Variants in CHRDL2 observed in about 807,000 individuals in gnomAD.
The protein encoded by CHRDL2 is chordin-like protein 2.
Under a neutral mutation model 54.3 loss-of-function variants are expected in CHRDL2, and 41 were observed. The ratio of observed to expected loss-of-function variants is 0.76; its 90% CI spans 0.59 to 0.98. The LOEUF is 0.98. Ranked by LOEUF, CHRDL2 falls within the 50% of genes least tolerant of loss-of-function variation. The pLI, the probability that CHRDL2 is intolerant of heterozygous loss-of-function variation, is 0.00. For synonymous variants in CHRDL2, 220 were observed against 224.3 expected (o/e 0.98, Z 0.17); for missense variants, 518 against 562.4 (o/e 0.92, Z 0.80).
chr11:74,708,786 G>A (rs1173433056), intron 4 of CHRDL2, among the ~76,000 whole-genome samples: 8 of 152,216 alleles, frequency 5.3e-5, no homozygotes, highest in African/African-American at 1.9e-4. Flanking sequence ...CATCATGGGA[G>A]GGGGACAGGT....
intron 3 of CHRDL2, among the ~76,000 whole-genome samples, chr11:74,712,396 C>CA (rs1408230806): frequency 6.6e-6 from 1 of 152,052 alleles, no homozygotes; most frequent in Non-Finnish European, 1.5e-5. Context: ...AGTGTTTTAG[C>CA]AACAAGAGGC....
chr11:74,710,408 G>A (rs2135254730), intron 4 of CHRDL2, among the ~76,000 whole-genome samples: 1 of 152,196 alleles, frequency 6.6e-6, no homozygotes, highest in Admixed American at 6.5e-5. Context: ...TCTAACAATA[G>A]GCAGGAGGAG....
chr11:74,705,186 C>G (rs2033969655), intron 6 of CHRDL2, among the ~76,000 whole-genome samples: 1 of 152,170 alleles, frequency 6.6e-6, no homozygotes, highest in South Asian at 2.1e-4. Flanking sequence ...AGCTTAGGCT[C>G]TCTTTCCTGA....
intron 6 of CHRDL2, among the ~76,000 whole-genome samples, chr11:74,704,897 T>C (rs1379730108): frequency 6.6e-6 from 1 of 152,170 alleles, no homozygotes; most frequent in Non-Finnish European, 1.5e-5. Context: ...ACGAAGCCCT[T>C]CTTGGGCCTT....
intron 1 of CHRDL2, among the ~76,000 whole-genome samples, chr11:74,727,858 G>A (rs2034595167): frequency 6.6e-6 from 1 of 152,064 alleles, no homozygotes; most frequent in Non-Finnish European, 1.5e-5. Flanking sequence ...CACTGAAGAG[G>A]GAGGTAAGAA....
Position 74,730,899 on chromosome 11 carries a change from GGGTCAGGCCGCT to G in CHRDL2, c.-23_-12del, listed in dbSNP as rs775559942. On this transcript the variant is annotated 5_prime_UTR_variant, in exon 1 of 11. Coordinates refer to ENST00000376332, the MANE Select transcript of CHRDL2 (RefSeq NM_001278473.3). ...CACCTCGGGAACCATCCTTTCCCCA[GGGTCAGGCCGCT>G]GGTCCGGGAGCGGAGTCGGGAGGAA... 2.4e-5 allele frequency: 38 copies of G among 1,601,632 alleles called. No homozygotes were observed. Among genetic ancestry groups the G allele is most frequent in the Non-Finnish European group, 3.2e-5 (37 of 1,174,250 alleles).
chr11:74,712,711 A>T (rs1357715239), intron 3 of CHRDL2, among the ~76,000 whole-genome samples: 1 of 151,982 alleles, frequency 6.6e-6, no homozygotes, highest in Non-Finnish European at 1.5e-5. Context: ...TGATGCTTCT[A>T]AACATCAATT....
At chr11:74,701,403 C>G (rs533497320) in intron 9 of CHRDL2, 1 of 507,824 alleles carries the variant, frequency 2.0e-6, no homozygotes, top group East Asian at 2.9e-5. Flanking sequence ...CACAGCTGCT[C>G]CCTCTGCCTG....
intron 10 of CHRDL2, 26 bp downstream of exon 10, chr11:74,697,179 C>A (rs35620595): frequency 0.13 from 205,045 of 1,584,558 alleles, 14,469 homozygotes; most frequent in Middle Eastern, 0.17. Context: ...CCTGCCCCGG[C>A]CCCATTCCTC....
chr11:74,718,648 T>G (rs2034424158), intron 2 of CHRDL2, 72 bp downstream of exon 2: 1 of 1,042,100 alleles, frequency 9.6e-7, no homozygotes, highest in Non-Finnish European at 1.5e-6. Context: ...CTGGTCCTCC[T>G]TCTGGGGTGA....
intron 1 of CHRDL2, among the ~76,000 whole-genome samples, chr11:74,723,201 A>G (rs1336616717): frequency 6.6e-6 from 1 of 152,188 alleles, no homozygotes; most frequent in Non-Finnish European, 1.5e-5. Flanking sequence ...GACAGACTGG[A>G]TAGGATATGG....
At chr11:74,723,738 G>A (rs2034532440) in intron 1 of CHRDL2, among the ~76,000 whole-genome samples, 1 of 152,182 alleles carries the variant, frequency 6.6e-6, no homozygotes, top group South Asian at 2.1e-4. Context: ...GGGCACACTG[G>A]ACAAAGGGGT....
At chr11:74,699,864 T>C (rs545597483) in intron 9 of CHRDL2, among the ~76,000 whole-genome samples, 11 of 152,232 alleles carry the variant, frequency 7.2e-5, no homozygotes, top group Non-Finnish European at 1.6e-4. Context: ...ACAGGGAGGC[T>C]GATGGGGCAT....
chr11:74,702,404 T>C (rs1332225431), intron 9 of CHRDL2, among the ~76,000 whole-genome samples: 1 of 152,180 alleles, frequency 6.6e-6, no homozygotes, highest in African/African-American at 2.4e-5. Flanking sequence ...TTAAAAAGGC[T>C]GAACACAGCC....
At chr11:74,698,863 C>G (rs2033701716) in intron 9 of CHRDL2, 1 of 152,268 alleles carries the variant, frequency 6.6e-6, no homozygotes. Flanking sequence ...TGAGGCTGCA[C>G]CAGCTGTTAC....
rs2034509369 is a variant in CHRDL2, at chr11:74,722,122, T to A, written c.83-3290A>T. ...TAGGACCAGTCCTGAGTGACACAGGTGTGTCACCTGAGTGTGAAGGAGGTA... is the reference window on the plus strand; with the variant it reads ...TAGGACCAGTCCTGAGTGACACAGGAGTGTCACCTGAGTGTGAAGGAGGTA... On this transcript the variant is annotated intron_variant, in intron 1 of 10. Coordinates refer to ENST00000376332, the MANE Select transcript of CHRDL2 (RefSeq NM_001278473.3). Among the ~76,000 whole-genome samples the A allele has an allele frequency of 2.0e-5, 3 of 152,104 alleles. No individual in the cohort carries two copies. In the South Asian group the frequency reaches 6.2e-4, roughly 31 times the overall value.
intron 1 of CHRDL2, among the ~76,000 whole-genome samples, chr11:74,719,953 A>T (rs1201181511): frequency 6.6e-6 from 1 of 151,846 alleles, no homozygotes; most frequent in Non-Finnish European, 1.5e-5. Flanking sequence ...ACCCTCCTCT[A>T]CGCAGGTACC....
chr11:74,702,664 G>A (rs1355822943), intron 9 of CHRDL2, 130 bp downstream of exon 9: 1 of 809,928 alleles, frequency 1.2e-6, no homozygotes, highest in Non-Finnish European at 2.0e-6. Context: ...GGAATCAGGG[G>A]CTCTTAAACC....
At position 74,700,622 on chromosome 11, in the gene CHRDL2, T is replaced by TATTA. The variant is rs374549879; in HGVS notation, c.1120+2171_1120+2172insTAAT. Among the ~76,000 whole-genome samples, 106 of 140,358 alleles carry TATTA rather than the reference T, an allele frequency of 7.6e-4. 2 individuals are homozygous for TATTA. The Middle Eastern group carries it at 0.011, about 14-fold the overall frequency. 92.1% of individuals were successfully genotyped at this position (140,358 alleles called of 152,430 possible). ...GCCCAGGGACTGATGGAATCTTTTT[T>TATTA]TTATTATTATTATTATTATTATTTT... is the stretch of plus-strand genomic sequence containing the variant. On this transcript the variant is annotated intron_variant, in intron 9 of 10. Transcript: ENST00000376332.
Sources: gnomAD v4.1 joint callset for allele counts (sites outside exome capture counted in the v4.1 genomes callset) on GRCh38, gnomAD v4.1.1 for gene constraint, MANE v1.5 for transcripts, NCBI Gene and HGNC (gene_info 2026-07-23, HGNC 2026-07-21) for gene names.